The following ZNF385D variants were observed in gnomAD, a reference collection of about 807,000 sequenced individuals.
ZNF385D encodes the protein zinc finger protein 659.
A neutral mutation model predicts 35.8 loss-of-function variants in ZNF385D; 15 were observed. That is an observed-to-expected ratio of 0.42 (90% CI 0.28 to 0.64). The LOEUF is 0.64. Ranked by LOEUF, ZNF385D falls within the 30% of genes least tolerant of loss-of-function variation. The pLI, the probability that ZNF385D is intolerant of heterozygous loss-of-function variation, is 0.23. For missense variants in ZNF385D, 474 were observed against 494.6 expected, an observed-to-expected ratio of 0.96 and a Z score of 0.39; for synonymous variants, 212 against 186.8, an observed-to-expected ratio of 1.13 and a Z score of -1.10.
At chr3:22,116,845 A>T (rs1265290208) in intron 3 of ZNF385D, among the ~76,000 whole-genome samples, 3 of 152,208 alleles carry the variant, frequency 2.0e-5, no homozygotes, top group South Asian at 4.1e-4. Flanking sequence ...TAAGCTCTTT[A>T]TAGAAATTGT....
intron 3 of ZNF385D, chr3:21,511,622 C>T (rs1707211969): frequency 2.2e-6 from 1 of 449,070 alleles, no homozygotes; most frequent in Non-Finnish European, 4.5e-6. Flanking sequence ...CACTTCTTAC[C>T]AAGGGTAGTC....
chr3:21,728,250 G>A (rs1437787610), intron 1 of ZNF385D, among the ~76,000 whole-genome samples: 9 of 150,568 alleles, frequency 6.0e-5, no homozygotes, highest in Non-Finnish European at 1.0e-4. Context: ...AAAACTGCAC[G>A]TTCTGCCCAT....
intron 2 of ZNF385D, among the ~76,000 whole-genome samples, chr3:22,307,050 T>G (rs115890189): frequency 6.6e-6 from 1 of 152,118 alleles, no homozygotes; most frequent in Non-Finnish European, 1.5e-5. Context: ...GAAATTCACA[T>G]AGAGAAACAA....
chr3:22,023,240 C>G (rs1173815327), intron 3 of ZNF385D, among the ~76,000 whole-genome samples: 1 of 152,088 alleles, frequency 6.6e-6, no homozygotes, highest in Non-Finnish European at 1.5e-5. Flanking sequence ...TGAGAGGAAG[C>G]AGAGTGGCAA....
rs1004285560 is a variant in ZNF385D at position 22,233,644 on chromosome 3, A to G, written c.107-64609T>C. On this transcript the variant is annotated intron_variant, in intron 2 of 5. Transcript: ENST00000494108. ...CTCCAACTACATCATAACCCCCAGA[A>G]TACCTGGCTTCTACCCACACCACTT... 4.6e-5 allele frequency among the ~76,000 whole-genome samples: 7 copies of G among 152,068 alleles called. No individual in the cohort carries two copies. In the East Asian group the frequency reaches 1.4e-3, roughly 29 times the overall value.
intron 3 of ZNF385D, among the ~76,000 whole-genome samples, chr3:21,937,208 T>A (rs1701305826): frequency 6.6e-6 from 1 of 151,980 alleles, no homozygotes; most frequent in Non-Finnish European, 1.5e-5. Context: ...TTTTCACAGA[T>A]GAAAGGCCCA....
At chr3:22,187,118 TATAAAAAGACATG>T (rs1695688446) in intron 2 of ZNF385D, among the ~76,000 whole-genome samples, 1 of 152,162 alleles carries the variant, frequency 6.6e-6, no homozygotes, top group African/African-American at 2.4e-5. Context: ...TCTTCCCACA[TATAAAAAGACATG>T]AACAAATTCT....
chr3:22,031,116 C>T (rs760250843), intron 3 of ZNF385D, among the ~76,000 whole-genome samples: 4 of 152,168 alleles, frequency 2.6e-5, no homozygotes, highest in Admixed American at 1.3e-4. Context: ...GATTCAGCCA[C>T]GTGGCTGCTT....
chr3:21,988,074 A>T (rs1035953965), intron 3 of ZNF385D, among the ~76,000 whole-genome samples: 3 of 135,436 alleles, frequency 2.2e-5, no homozygotes, highest in African/African-American at 8.1e-5. Context: ...ATTCTTCTAA[A>T]TTTTTTTCAA....
At chr3:21,733,101 TTTC>T (rs1044100782) in intron 1 of ZNF385D, among the ~76,000 whole-genome samples, 2 of 152,244 alleles carry the variant, frequency 1.3e-5, no homozygotes, top group African/African-American at 2.4e-5. Flanking sequence ...TTCATTTTTT[TTTC>T]AAGTGGATGT....
At chr3:22,190,018 G>T (rs12107233) in intron 2 of ZNF385D, among the ~76,000 whole-genome samples, 3 of 151,936 alleles carry the variant, frequency 2.0e-5, no homozygotes, top group African/African-American at 7.2e-5. Flanking sequence ...TGTTTGTATT[G>T]TTTGGAAAAA....
chr3:21,969,361 C>T (rs536767414), intron 3 of ZNF385D, among the ~76,000 whole-genome samples: 2 of 152,204 alleles, frequency 1.3e-5, no homozygotes, highest in Admixed American at 1.3e-4. Flanking sequence ...AGGGAGTTCT[C>T]ACAAGATCTG....
intron 2 of ZNF385D, among the ~76,000 whole-genome samples, chr3:22,256,383 C>T (rs907791047): frequency 6.6e-6 from 1 of 151,678 alleles, no homozygotes; most frequent in African/African-American, 2.4e-5. Context: ...TATTTCAACA[C>T]TGCTAATAGG....
chr3:22,247,692 C>T (rs918221079), intron 2 of ZNF385D, among the ~76,000 whole-genome samples: 2 of 151,678 alleles, frequency 1.3e-5, no homozygotes, highest in African/African-American at 2.4e-5. Context: ...TGCAGTGGTG[C>T]GATCTTGGCT....
Position 21,956,512 on chromosome 3 carries a change from T to G in ZNF385D, c.325+212305A>C, listed in dbSNP as rs1032671861. The stretch of plus-strand genomic sequence containing the variant: ...AAAGGGAGACAACTAAGAGGTAACC[T>G]TGGAAAAACTAAATACTTTGCATTA... On this transcript the variant is annotated intron_variant, in intron 3 of 5. Coordinates refer to the ZNF385D transcript ENST00000494108. 5.3e-5 allele frequency among the ~76,000 whole-genome samples: 8 copies of G among 152,152 alleles called. No homozygotes were observed. In the South Asian group the frequency reaches 1.7e-3, roughly 32 times the overall value.
intron 3 of ZNF385D, among the ~76,000 whole-genome samples, chr3:21,532,886 G>A (rs1335135899): frequency 6.6e-6 from 1 of 152,120 alleles, no homozygotes; most frequent in Admixed American, 6.6e-5. Context: ...AAGACAAATA[G>A]CTTCTAAAAC....
intron 3 of ZNF385D, among the ~76,000 whole-genome samples, chr3:21,556,068 G>GTTTTTTTTTTTTTTTTTTTTTTTAT (rs148079775): frequency 1.0e-5 from 1 of 99,020 alleles, no homozygotes; most frequent in African/African-American, 4.0e-5. Context: ...TTTTGTTTTT[G>GTTTTTTTTTTTTTTTTTTTTTTTAT]TTTTTTTTTT....
At chr3:21,885,740 CTG>C (rs3074769) in intron 3 of ZNF385D, among the ~76,000 whole-genome samples, 15,684 of 101,008 alleles carry the variant, frequency 0.16, 823 homozygotes, top group East Asian at 0.23. Context: ...GTGTCTGTGT[CTG>C]TGTGTGTGTG....
chr3:22,288,378 T>C (rs2125393070), intron 2 of ZNF385D, among the ~76,000 whole-genome samples: 1 of 152,174 alleles, frequency 6.6e-6, no homozygotes, highest in South Asian at 2.1e-4. Flanking sequence ...TAATAATGCA[T>C]AGATGGTTTC....
Sources: gnomAD v4.1 joint callset for allele counts (sites outside exome capture counted in the v4.1 genomes callset) on GRCh38, gnomAD v4.1.1 for gene constraint, MANE v1.5 for transcripts, NCBI Gene and HGNC (gene_info 2026-07-23, HGNC 2026-07-21) for gene names.